The following CRADD variants were observed in gnomAD, a reference collection of about 807,000 sequenced individuals.
The protein encoded by CRADD is death domain-containing protein CRADD.
In CRADD, 9 loss-of-function variants were observed where a neutral mutation model predicts 15.5. The observed-to-expected ratio is 0.58, with a 90% confidence interval of 0.35 to 1.01. The LOEUF is 1.01. CRADD is among the 50% of genes least tolerant of loss of function. The probability of loss-of-function intolerance (pLI) is 0.02; values close to 1 mark genes in which losing one functional copy is unlikely to be tolerated. For synonymous variants in CRADD, 118 were observed against 107.6 expected (o/e 1.10, Z -0.60); for missense variants, 227 against 250.3 (o/e 0.91, Z 0.63).
At chr12:93,858,154 G>A (rs1245873389) in intron 2 of CRADD, among the ~76,000 whole-genome samples, 2 of 152,106 alleles carry the variant, frequency 1.3e-5, no homozygotes, top group African/African-American at 2.4e-5. Flanking sequence ...ACACTTTAAG[G>A]CTATAAATAA....
intron 2 of CRADD, among the ~76,000 whole-genome samples, chr12:93,679,580 G>A (rs901168023): frequency 6.6e-6 from 1 of 152,238 alleles, no homozygotes; most frequent in Non-Finnish European, 1.5e-5. Flanking sequence ...AGGAAGTGCA[G>A]GGAAGGAAGA....
At position 93,785,333 on chromosome 12, in the gene CRADD, C is replaced by T. The variant is rs185942027; in HGVS notation, c.299-64637C>T. On this transcript the variant is annotated intron_variant, in intron 2 of 2. Coordinates refer to ENST00000332896, the MANE Select transcript of CRADD (RefSeq NM_003805.5). ...AATGATTCAAACTGATTTCCTCTGA[C>T]GAACATCCGAAATGAAAATAAAAAT... 1.1e-4 allele frequency among the ~76,000 whole-genome samples: 17 copies of T among 152,210 alleles called. No homozygotes were observed. The East Asian group carries it at 1.7e-3, about 16-fold the overall frequency.
At chr12:93,699,366 C>G (rs59248976) in intron 2 of CRADD, among the ~76,000 whole-genome samples, 2,482 of 152,120 alleles carry the variant, frequency 0.016, 61 homozygotes, top group African/African-American at 0.056. Context: ...CAGATAAAAC[C>G]CTTTTGTGCT....
At chr12:93,718,226 G>A (rs73361531) in intron 2 of CRADD, among the ~76,000 whole-genome samples, 20,999 of 152,106 alleles carry the variant, frequency 0.14, 2,621 homozygotes, top group African/African-American at 0.33. Flanking sequence ...TGGGATTTTT[G>A]TTGGGATTGC....
chr12:93,798,103 C>G (rs1445308602), intron 2 of CRADD, among the ~76,000 whole-genome samples: 1 of 152,192 alleles, frequency 6.6e-6, no homozygotes, highest in African/African-American at 2.4e-5. Context: ...CTCCTTCTGG[C>G]AAAATCCCGC....
intron 2 of CRADD, among the ~76,000 whole-genome samples, chr12:93,891,877 C>T (rs927840882): frequency 1.3e-5 from 2 of 152,178 alleles, no homozygotes. Context: ...CCACTTCTTC[C>T]CTTCCCTTTC....
At chr12:93,723,650 C>T (rs1592929989) in intron 2 of CRADD, among the ~76,000 whole-genome samples, 2 of 152,150 alleles carry the variant, frequency 1.3e-5, no homozygotes, top group African/African-American at 4.8e-5. Context: ...AACTCTTTCT[C>T]TATTGCAAAA....
At chr12:93,835,100 T>C (rs1389903654) in intron 2 of CRADD, among the ~76,000 whole-genome samples, 1 of 152,218 alleles carries the variant, frequency 6.6e-6, no homozygotes. Flanking sequence ...CTTTATTTTA[T>C]GCATTGCACT....
chr12:93,753,359 C>A (rs1361388058), intron 2 of CRADD, among the ~76,000 whole-genome samples: 1 of 152,166 alleles, frequency 6.6e-6, no homozygotes, highest in Non-Finnish European at 1.5e-5. Context: ...CAAACCATAT[C>A]ATTCCACCCC....
At chr12:93,827,617 G>A (rs1321587384) in intron 2 of CRADD, among the ~76,000 whole-genome samples, 6 of 152,240 alleles carry the variant, frequency 3.9e-5, no homozygotes, top group Admixed American at 3.3e-4. Context: ...TGTTTAACGT[G>A]TTAAGTGACT....
In CRADD at chr12:93,850,185, G is replaced by A. The variant is rs1007288871; in HGVS notation, c.514G>A (p.Gly172Arg). ...CTTCATCCGTTGGCGGCAGCGCTTC[G>A]GGAAGCAGGCCACCTTCCAGAGCCT... ...EAFIRWRQRF[G>R]KQATFQSLHN... The change falls in exon 3 of 3, where the codon GGG becomes AGG. Residue 172 changes from glycine (G) to arginine (R), a missense_variant. Physicochemically the swap from Gly to Arg is moderately radical, Grantham distance 125. Transcript: ENST00000332896. The surrounding 1 kb of genome is among the most constrained non-coding windows in gnomAD (Gnocchi z 4.0). 1.4e-5 allele frequency: 23 copies of A among 1,613,596 alleles called. No homozygotes were observed. The highest frequency in any genetic ancestry group is 2.2e-5 in the East Asian group (1 of 44,876).
At chr12:93,744,498 A>G (rs1476427207) in intron 2 of CRADD, among the ~76,000 whole-genome samples, 2 of 152,192 alleles carry the variant, frequency 1.3e-5, no homozygotes, top group Non-Finnish European at 2.9e-5. Flanking sequence ...CTCGCTAGTC[A>G]ACTTATTAGT....
At chr12:93,694,410 C>A (rs1417442165) in intron 2 of CRADD, among the ~76,000 whole-genome samples, 1 of 152,082 alleles carries the variant, frequency 6.6e-6, no homozygotes, top group Admixed American at 6.6e-5. Flanking sequence ...AGATCAGGAA[C>A]AAGAGAAGGA....
chr12:93,820,488 G>T (rs1365397718), intron 2 of CRADD, among the ~76,000 whole-genome samples: 1 of 151,452 alleles, frequency 6.6e-6, no homozygotes, highest in Non-Finnish European at 1.5e-5. Flanking sequence ...GGCGGAGCTT[G>T]CAGTGAGCCG....
At chr12:93,809,867 A>G (rs907196506) in intron 2 of CRADD, among the ~76,000 whole-genome samples, 3 of 152,182 alleles carry the variant, frequency 2.0e-5, no homozygotes, top group Non-Finnish European at 2.9e-5. Context: ...TTTGTATTCA[A>G]CAGTCTCATC....
At chr12:93,862,032 CA>C (rs1377968681) in intron 2 of CRADD, among the ~76,000 whole-genome samples, 1 of 152,172 alleles carries the variant, frequency 6.6e-6, no homozygotes, top group Non-Finnish European at 1.5e-5. Flanking sequence ...TTCTCCTGCA[CA>C]AGCTCTCTTA....
chr12:93,686,304 C>CAAAAAAAAAAAAAAAA, intron 2 of CRADD, among the ~76,000 whole-genome samples: 1 of 65,974 alleles, frequency 1.5e-5, no homozygotes, highest in Non-Finnish European at 2.7e-5. Flanking sequence ...CCATCCCCCC[C>CAAAAAAAAAAAAAAAA]AAAAAAAAAA....
intron 2 of CRADD, among the ~76,000 whole-genome samples, chr12:93,842,135 T>C (rs1425080652): frequency 6.6e-6 from 1 of 152,218 alleles, no homozygotes; most frequent in Admixed American, 6.5e-5. Context: ...TCTTAGCCGT[T>C]GGTCTTCAGC....
chr12:93,846,626 G>A (rs1398527942), intron 2 of CRADD: 2 of 118,552 alleles, frequency 1.7e-5, no homozygotes, highest in Non-Finnish European at 3.8e-5. Context: ...ACACACACAC[G>A]ATGGACATAG....
Sources: gnomAD v4.1 joint callset for allele counts (sites outside exome capture counted in the v4.1 genomes callset) on GRCh38, gnomAD v4.1.1 for gene constraint, Gnocchi (gnomAD v3.1) non-coding constraint, MANE v1.5 for transcripts, NCBI Gene and HGNC (gene_info 2026-07-23, HGNC 2026-07-21) for gene names.